The following EPC1 variants were observed in gnomAD, a reference collection of about 807,000 sequenced individuals.
EPC1 encodes the protein enhancer of polycomb 1.
EPC1 carries 12 observed loss-of-function variants against 98.4 expected under a neutral mutation model. The observed-to-expected ratio is 0.12, with a 90% CI of 0.08 to 0.20. The LOEUF is 0.20. Among genes scored for constraint, EPC1 ranks in the 10% least tolerant of loss-of-function variants. EPC1 has a pLI of 1.00. For synonymous variants in EPC1, 357 were observed against 363.9 expected, an observed-to-expected ratio of 0.98 and a Z score of 0.21; for missense variants, 729 against 990.5, an observed-to-expected ratio of 0.74 and a Z score of 3.54.
upstream of EPC1, among the ~76,000 whole-genome samples, chr10:32,350,975 A>G (rs1839093514): frequency 6.6e-6 from 1 of 152,088 alleles, no homozygotes; most frequent in South Asian, 2.1e-4. Context: ...CCTCCCATTC[A>G]TCCTTTATTT....
intron 2 of EPC1, among the ~76,000 whole-genome samples, chr10:32,303,452 A>C (rs1835691534): frequency 6.6e-6 from 1 of 152,266 alleles, no homozygotes; most frequent in African/African-American, 2.4e-5. Flanking sequence ...TGATGTATAC[A>C]TATCATGGAA....
In EPC1 at chr10:32,301,038, A is replaced by ATATCTATC. The variant is rs145962262; in HGVS notation, c.313+4726_313+4733dup. Among the ~76,000 whole-genome samples, 841 of 143,080 alleles carry ATATCTATC rather than the reference A, an allele frequency of 5.9e-3. 2 individuals carry two copies. The highest frequency in any genetic ancestry group is 9.1e-3 in the Admixed American group (129 of 14,114). The allele number at this position is 143,080 out of a possible 152,430, so 93.9% of individuals were successfully genotyped here. ...AGAGGAAAGAATTAGAAGCACATTT[A>ATATCTATC]TATCTATCTATCTATCTATCTATCT... On this transcript the variant is annotated intron_variant, in intron 2 of 13. Transcript: ENST00000319778.
rs1258028696 is a variant in EPC1 at position 32,347,058 on chromosome 10, A to G, written c.-143T>C. ...CGCAGAGCCCGCCGTCCGGGCACTAACACCAGCCGGGAGGGTGGGAGGCTG... is the reference window on the plus strand; with the variant it reads ...CGCAGAGCCCGCCGTCCGGGCACTAGCACCAGCCGGGAGGGTGGGAGGCTG... On this transcript the variant is annotated 5_prime_UTR_variant, in exon 1 of 14. Transcript: ENST00000319778. The G allele has an allele frequency of 6.8e-6, 10 of 1,460,602 alleles. No homozygotes were observed. In the East Asian group the frequency reaches 2.0e-4, roughly 29 times the overall value. 90.5% of individuals were successfully genotyped at this position (1,460,602 alleles called of 1,614,324 possible).
intron 1 of EPC1, among the ~76,000 whole-genome samples, chr10:32,335,465 T>TC (rs1837898483): frequency 7.7e-6 from 1 of 129,576 alleles, no homozygotes; most frequent in Admixed American, 8.6e-5. Flanking sequence ...GAAACAATAC[T>TC]CCCCATCGCC....
chr10:32,286,534 C>T (rs1001584759), intron 9 of EPC1, 160 bp downstream of exon 9: 2 of 819,824 alleles, frequency 2.4e-6, no homozygotes, highest in Non-Finnish European at 1.8e-6. Context: ...GTGTAAGAAC[C>T]AGGCAGCACA....
At chr10:32,273,134 G>T in intron 11 of EPC1, 29 bp downstream of exon 11, 1 of 1,614,066 alleles carries the variant, frequency 6.2e-7, no homozygotes, top group Non-Finnish European at 8.5e-7. Flanking sequence ...AACAATGAGG[G>T]ATAATCATAA....
At chr10:32,334,511 C>T (rs776822034) in intron 1 of EPC1, among the ~76,000 whole-genome samples, 13 of 151,034 alleles carry the variant, frequency 8.6e-5, no homozygotes, top group Non-Finnish European at 1.5e-4. Flanking sequence ...GACTCATATA[C>T]CACAAATGGT....
upstream of EPC1, chr10:32,347,438 C>T (rs902242157): frequency 4.4e-5 from 7 of 158,546 alleles, no homozygotes; most frequent in African/African-American, 1.4e-4. Context: ...TTCTCACGCT[C>T]GCTCCCTCCC....
chr10:32,291,862 T>C (rs1834871153), intron 5 of EPC1: 1 of 152,184 alleles, frequency 6.6e-6, no homozygotes, highest in African/African-American at 2.4e-5. Flanking sequence ...GGCATATAAA[T>C]AGAGGATTGT....
At chr10:32,319,493 T>C (rs1836754938) in intron 1 of EPC1, among the ~76,000 whole-genome samples, 1 of 152,206 alleles carries the variant, frequency 6.6e-6, no homozygotes, top group African/African-American at 2.4e-5. Flanking sequence ...TGCATCTGTG[T>C]GCCTCCAGAT....
At chr10:32,325,168 T>C (rs148394603) in intron 1 of EPC1, among the ~76,000 whole-genome samples, 1,570 of 152,316 alleles carry the variant, frequency 0.01, 17 homozygotes, top group Admixed American at 0.017. Context: ...ATATTGAGTA[T>C]AGTCAGAAAC....
At chr10:32,345,985 G>C (rs890346482) in intron 1 of EPC1, among the ~76,000 whole-genome samples, 2 of 152,164 alleles carry the variant, frequency 1.3e-5, no homozygotes, top group African/African-American at 4.8e-5. Context: ...CAAGATATTC[G>C]CAAGGATCAC....
intron 2 of EPC1, among the ~76,000 whole-genome samples, chr10:32,297,003 T>C (rs2132760865): frequency 1.3e-5 from 2 of 152,168 alleles, no homozygotes; most frequent in East Asian, 3.9e-4. Context: ...AAAAACCCAC[T>C]TTGGAATTTC....
chr10:32,368,030 G>T (rs747189996), intron 1 of EPC1, among the ~76,000 whole-genome samples: 6 of 152,162 alleles, frequency 3.9e-5, no homozygotes, highest in Non-Finnish European at 7.3e-5. Flanking sequence ...CACACTTACT[G>T]AAAATTGTCC....
At chr10:32,374,803 G>A (rs963721146) in intron 1 of EPC1, among the ~76,000 whole-genome samples, 6 of 151,992 alleles carry the variant, frequency 3.9e-5, no homozygotes, top group African/African-American at 1.4e-4. Flanking sequence ...TGCCTCTTTT[G>A]CTTAATATTG....
intron 1 of EPC1, among the ~76,000 whole-genome samples, chr10:32,321,691 C>A (rs569105070): frequency 6.6e-6 from 1 of 151,952 alleles, no homozygotes; most frequent in South Asian, 2.1e-4. Context: ...TTAGATACTT[C>A]ATGTTCACTC....
At chr10:32,272,440 A>C (rs1288947370) in intron 11 of EPC1, among the ~76,000 whole-genome samples, 2 of 152,222 alleles carry the variant, frequency 1.3e-5, no homozygotes, top group African/African-American at 4.8e-5. Context: ...AGCCTTCTAT[A>C]ATGTGGAAAC....
chr10:32,375,808 T>C (rs1395758967), intron 1 of EPC1, among the ~76,000 whole-genome samples: 2 of 152,050 alleles, frequency 1.3e-5, no homozygotes, highest in African/African-American at 4.8e-5. Flanking sequence ...AAATAATTTT[T>C]TATTGTCCAT....
chr10:32,294,184 C>T (rs1835008843), intron 2 of EPC1, among the ~76,000 whole-genome samples: 1 of 152,134 alleles, frequency 6.6e-6, no homozygotes, highest in Non-Finnish European at 1.5e-5. Context: ...TATTCAACTA[C>T]TTTACCAAAA....
Sources: gnomAD v4.1 joint callset for allele counts (sites outside exome capture counted in the v4.1 genomes callset) on GRCh38, gnomAD v4.1.1 for gene constraint, MANE v1.5 for transcripts, NCBI Gene and HGNC (gene_info 2026-07-23, HGNC 2026-07-21) for gene names.